The following ASIC2 variants were observed in gnomAD, a reference collection of about 807,000 sequenced individuals.
ASIC2 encodes acid sensing ion channel subunit 2.
A neutral mutation model predicts 57.3 loss-of-function variants in ASIC2; 25 were observed. The observed-to-expected ratio is 0.44, with a 90% CI of 0.32 to 0.61. The LOEUF (loss-of-function observed/expected upper bound fraction) is 0.61. ASIC2 is among the 20% of genes least tolerant of loss of function. The pLI, the probability that ASIC2 is intolerant of heterozygous loss-of-function variation, is 0.06. For missense variants in ASIC2, 641 were observed against 738.1 expected (o/e 0.87, Z 1.52); for synonymous variants, 319 against 307.5 (o/e 1.04, Z -0.39).
chr17:33,151,593 A>G (rs1027672151), intron 1 of ASIC2, among the ~76,000 whole-genome samples: 3 of 152,168 alleles, frequency 2.0e-5, no homozygotes, highest in Non-Finnish European at 2.9e-5. Context: ...TGTTTAGGTC[A>G]CAAGGGCTCT....
At chr17:33,531,688 A>T (rs1915055397) in intron 1 of ASIC2, among the ~76,000 whole-genome samples, 2 of 152,188 alleles carry the variant, frequency 1.3e-5, no homozygotes, top group African/African-American at 4.8e-5. Context: ...CCTAGGGCTT[A>T]TCCCACTGCC....
intron 1 of ASIC2, among the ~76,000 whole-genome samples, chr17:33,511,732 G>C (rs1296872506): frequency 6.6e-6 from 1 of 152,136 alleles, no homozygotes; most frequent in Non-Finnish European, 1.5e-5. Context: ...AAGCCAGCAT[G>C]GTCTTTGAAA....
intron 1 of ASIC2, among the ~76,000 whole-genome samples, chr17:33,127,029 G>A (rs888167004): frequency 1.3e-5 from 2 of 150,336 alleles, no homozygotes; most frequent in Admixed American, 6.6e-5. Flanking sequence ...CACCGCGCCC[G>A]GCTAATTTTT....
intron 1 of ASIC2, among the ~76,000 whole-genome samples, chr17:33,479,189 G>A (rs1199149510): frequency 3.3e-5 from 5 of 151,964 alleles, no homozygotes; most frequent in Non-Finnish European, 7.4e-5. Flanking sequence ...AATAGAGATG[G>A]GGTTTCTACA....
At chr17:33,856,499 T>TA (rs1913940417) in intron 1 of ASIC2, among the ~76,000 whole-genome samples, 1 of 15,658 alleles carries the variant, frequency 6.4e-5, no homozygotes. Flanking sequence ...GTAATAGTGT[T>TA]GTCAGTAGTA....
chr17:33,218,113 T>A (rs1382435506), intron 1 of ASIC2, among the ~76,000 whole-genome samples: 6 of 152,244 alleles, frequency 3.9e-5, no homozygotes, highest in African/African-American at 1.2e-4. Context: ...CTTTTAAATG[T>A]TTTTATTTAA....
At chr17:33,434,467 G>GA (rs542297130) in intron 1 of ASIC2, among the ~76,000 whole-genome samples, 450 of 152,260 alleles carry the variant, frequency 3.0e-3, no homozygotes, top group African/African-American at 0.011. Flanking sequence ...GCCAAAAAAG[G>GA]AAATAGCTTA....
intron 1 of ASIC2, among the ~76,000 whole-genome samples, chr17:33,254,988 T>G (rs1909010107): frequency 6.6e-6 from 1 of 150,968 alleles, no homozygotes; most frequent in African/African-American, 2.4e-5. Flanking sequence ...TATATGATTA[T>G]CTAATTAATA....
intron 1 of ASIC2, among the ~76,000 whole-genome samples, chr17:33,248,747 T>C (rs1908779518): frequency 6.6e-6 from 1 of 152,180 alleles, no homozygotes; most frequent in Non-Finnish European, 1.5e-5. Context: ...ATTCTCCTCC[T>C]CTCTGTATGT....
intron 1 of ASIC2, among the ~76,000 whole-genome samples, chr17:33,975,211 C>A (rs1004753313): frequency 1.3e-5 from 2 of 152,182 alleles, no homozygotes; most frequent in African/African-American, 2.4e-5. Context: ...CCTGTGGATC[C>A]TTTCTCCCTC....
At chr17:33,366,601 C>T (rs144222073) in intron 1 of ASIC2, among the ~76,000 whole-genome samples, 7 of 152,216 alleles carry the variant, frequency 4.6e-5, no homozygotes, top group East Asian at 1.9e-4. Context: ...TGGCTTGCAG[C>T]GTTCTCTCTT....
intron 1 of ASIC2, among the ~76,000 whole-genome samples, chr17:33,171,205 C>T (rs1224214487): frequency 1.3e-5 from 2 of 152,222 alleles, no homozygotes; most frequent in African/African-American, 4.8e-5. Flanking sequence ...ACAGCCAGTA[C>T]ATATTAATAT....
intron 1 of ASIC2, among the ~76,000 whole-genome samples, chr17:33,655,711 A>G (rs758856015): frequency 6.6e-6 from 1 of 152,242 alleles, no homozygotes; most frequent in Non-Finnish European, 1.5e-5. Flanking sequence ...GATTACTGCT[A>G]TGATGGTTGA....
intron 1 of ASIC2, among the ~76,000 whole-genome samples, chr17:34,128,468 C>G (rs935819355): frequency 6.6e-6 from 1 of 152,124 alleles, no homozygotes; most frequent in African/African-American, 2.4e-5. Flanking sequence ...GCAAACCACA[C>G]TTATTCAATG....
rs35551979 is a variant in ASIC2 at position 33,667,032 on chromosome 17, C to G, written c.555+488946G>C. 9.2e-3 allele frequency among the ~76,000 whole-genome samples: 1,396 copies of G among 152,142 alleles called. 18 individuals carry two copies. The highest frequency in any genetic ancestry group is 0.031 in the African/African-American group (1,291 of 41,496). On this transcript the variant is annotated intron_variant, in intron 1 of 9. Transcript: ENST00000359872. ...TTTTTTATTTGCGGAATCTGGCACC[C>G]CTTGTTATGGCTTAAACAGGTGGAC...
intron 1 of ASIC2, among the ~76,000 whole-genome samples, chr17:33,727,268 G>A (rs970200495): frequency 6.6e-6 from 1 of 152,200 alleles, no homozygotes; most frequent in African/African-American, 2.4e-5. Flanking sequence ...AAATTTCTCA[G>A]CCTTGAAGAT....
intron 1 of ASIC2, among the ~76,000 whole-genome samples, chr17:33,857,643 G>A (rs1035436601): frequency 1.3e-5 from 2 of 152,222 alleles, no homozygotes; most frequent in South Asian, 4.1e-4. Flanking sequence ...TCAGAGAGGG[G>A]CATGAACTGT....
intron 1 of ASIC2, among the ~76,000 whole-genome samples, chr17:33,887,185 T>G (rs1914849648): frequency 6.6e-6 from 1 of 152,212 alleles, no homozygotes; most frequent in South Asian, 2.1e-4. Context: ...CCTAATTCCC[T>G]GAATCTCATC....
intron 1 of ASIC2, among the ~76,000 whole-genome samples, chr17:33,256,906 C>T (rs1263950597): frequency 1.3e-5 from 2 of 152,136 alleles, no homozygotes; most frequent in East Asian, 1.9e-4. Context: ...GAGGCCATTT[C>T]CCCTCCCCAC....
Sources: gnomAD v4.1 joint callset for allele counts (sites outside exome capture counted in the v4.1 genomes callset) on GRCh38, gnomAD v4.1.1 for gene constraint, MANE v1.5 for transcripts, NCBI Gene and HGNC (gene_info 2026-07-23, HGNC 2026-07-21) for gene names.